ADAMTS3: variants seen among roughly 807,000 people sequenced by gnomAD.
ADAMTS3 encodes the protein A disintegrin and metalloproteinase with thrombospondin motifs 3.
A neutral mutation model predicts 129.0 loss-of-function variants in ADAMTS3; 73 were observed. That is an observed-to-expected ratio of 0.57 (90% CI 0.47 to 0.69). The LOEUF is 0.69. Ranked by LOEUF, ADAMTS3 falls within the 30% of genes least tolerant of loss-of-function variation. The probability of loss-of-function intolerance (pLI) is 0.00; values close to 1 mark genes in which losing one functional copy is unlikely to be tolerated. For synonymous variants in ADAMTS3, 477 were observed against 510.8 expected (o/e 0.93, Z 0.89); for missense variants, 1,457 against 1,514.5 (o/e 0.96, Z 0.63).
chr4:72,556,226 C>T (rs1382127462), intron 2 of ADAMTS3, among the ~76,000 whole-genome samples: 1 of 151,706 alleles, frequency 6.6e-6, no homozygotes, highest in Non-Finnish European at 1.5e-5. Context: ...TGGTAAGGTG[C>T]ACTGTATGAC....
At chr4:72,320,674 C>A in intron 7 of ADAMTS3, 40 bp downstream of exon 7, 1 of 1,596,706 alleles carries the variant, frequency 6.3e-7, no homozygotes, top group South Asian at 1.1e-5. Context: ...TTTTAAAAGT[C>A]ATGCCCTCAA....
Position 72,568,881 on chromosome 4 carries a change from G to GAAAAAAA in ADAMTS3, c.-126_-120dup. 1.5e-6 allele frequency: 1 copy of GAAAAAAA among 681,020 alleles called. No homozygotes were observed. The highest frequency in any genetic ancestry group is 2.4e-6 in the Non-Finnish European group (1 of 417,850). The allele number at this position is 681,020 out of a possible 1,614,324, so 42.2% of individuals were successfully genotyped here. On this transcript the variant is annotated 5_prime_UTR_variant, in exon 1 of 22. Coordinates refer to ENST00000286657, the MANE Select transcript of ADAMTS3 (RefSeq NM_014243.3). ...AGGAAAAGGGAAAAAATGCGAAATAGAAAAAAATGATCTTCTGTGCTTTGC... is the reference window on the plus strand; with the variant it reads ...AGGAAAAGGGAAAAAATGCGAAATAGAAAAAAAAAAAAAATGATCTTCTGTGCTTTGC...
intron 3 of ADAMTS3, among the ~76,000 whole-genome samples, chr4:72,529,978 A>AATATAATATATTATATTTATATAT (rs1720939226): frequency 1.5e-4 from 1 of 6,724 alleles, no homozygotes; most frequent in Non-Finnish European, 2.2e-4. Flanking sequence ...TTTATATATA[A>AATATAATATATTATATTTATATAT]ATATAATATA....
chr4:72,480,969 A>G (rs2110005775), intron 3 of ADAMTS3, among the ~76,000 whole-genome samples: 1 of 152,236 alleles, frequency 6.6e-6, no homozygotes, highest in East Asian at 1.9e-4. Context: ...CCATGAAAAC[A>G]TACTTAAATA....
At chr4:72,320,954 G>T in intron 6 of ADAMTS3, 84 bp from the exon 7 acceptor site, 10 of 1,392,270 alleles carry the variant, frequency 7.2e-6, no homozygotes, top group Non-Finnish European at 9.8e-6. Context: ...CTGAATTTGG[G>T]ATTAAAGTAT....
intron 4 of ADAMTS3, among the ~76,000 whole-genome samples, chr4:72,346,537 C>G (rs546072037): frequency 6.6e-6 from 1 of 152,078 alleles, no homozygotes; most frequent in African/African-American, 2.4e-5. Context: ...CATTCAGTCC[C>G]ATTGCAACCA....
chr4:72,466,859 A>G (rs1219375706), intron 3 of ADAMTS3, among the ~76,000 whole-genome samples: 1 of 152,066 alleles, frequency 6.6e-6, no homozygotes, highest in African/African-American at 2.4e-5. Flanking sequence ...ATTAAGCTCA[A>G]TTCCAAGTTC....
At chr4:72,398,187 A>AG (rs1188189665) in intron 4 of ADAMTS3, among the ~76,000 whole-genome samples, 2 of 152,158 alleles carry the variant, frequency 1.3e-5, no homozygotes, top group Non-Finnish European at 2.9e-5. Context: ...AGCCATGTTG[A>AG]GGGGGAGCTC....
intron 3 of ADAMTS3, among the ~76,000 whole-genome samples, chr4:72,458,525 G>C (rs139866058): frequency 6.6e-6 from 1 of 151,482 alleles, no homozygotes; most frequent in African/African-American, 2.4e-5. Context: ...CAGATGACAA[G>C]GTTTTAAGAA....
intron 3 of ADAMTS3, among the ~76,000 whole-genome samples, chr4:72,448,896 C>A (rs982940852): frequency 6.6e-6 from 1 of 151,502 alleles, no homozygotes; most frequent in African/African-American, 2.4e-5. Context: ...ATAATTTTTA[C>A]CATTATTTTC....
chr4:72,548,035 A>G (rs1721508581), intron 3 of ADAMTS3, among the ~76,000 whole-genome samples: 1 of 152,220 alleles, frequency 6.6e-6, no homozygotes, highest in Non-Finnish European at 1.5e-5. Context: ...CCACATTAGA[A>G]TTCTGTGAGG....
chr4:72,517,218 T>C (rs1469683763), intron 3 of ADAMTS3, among the ~76,000 whole-genome samples: 2 of 152,188 alleles, frequency 1.3e-5, no homozygotes, highest in African/African-American at 2.4e-5. Context: ...CTTTTTGATG[T>C]GCTGCTGGAT....
At chr4:72,553,781 G>C (rs2109796308) in intron 2 of ADAMTS3, among the ~76,000 whole-genome samples, 1 of 152,222 alleles carries the variant, frequency 6.6e-6, no homozygotes, top group East Asian at 1.9e-4. Flanking sequence ...CTCTGGATTG[G>C]GGAGGCCTGA....
chr4:72,298,296 A>G lies in ADAMTS3; in HGVS notation c.2571T>C (p.Cys857=), dbSNP rs1311473833. ...FEWALKSWSQ[C]SKPCGGGFQY... ...GGTTACCTCCACCACAGGGTTTGGA[A>G]CACTGAGACCAGCTCTTCAAAGCCC... Residue 857 remains cysteine (C), a synonymous_variant, in exon 18 of 22, where the codon TGT becomes TGC. Transcript: ENST00000286657. 9 of 1,612,616 alleles carry G rather than the reference A, an allele frequency of 5.6e-6. No homozygotes were observed. Among genetic ancestry groups the G allele is most frequent in the African/African-American group, 1.3e-5 (1 of 74,874 alleles).
intron 3 of ADAMTS3, among the ~76,000 whole-genome samples, chr4:72,443,947 A>G (rs190049843): frequency 6.6e-6 from 1 of 151,886 alleles, no homozygotes; most frequent in East Asian, 2.0e-4. Flanking sequence ...CCCTGCAGAC[A>G]AAGTCATATA....
chr4:72,453,025 A>G (rs1199258225), intron 3 of ADAMTS3, among the ~76,000 whole-genome samples: 2 of 151,798 alleles, frequency 1.3e-5, no homozygotes, highest in African/African-American at 4.8e-5. Context: ...GAGATTTGCT[A>G]TTACATTTGC....
intron 3 of ADAMTS3, among the ~76,000 whole-genome samples, chr4:72,440,809 G>A (rs766317450): frequency 4.6e-5 from 7 of 151,720 alleles, no homozygotes; most frequent in Admixed American, 6.6e-5. Flanking sequence ...AATAAGTCCC[G>A]TGGGAGTGAA....
At chr4:72,457,272 C>T (rs1021180981) in intron 3 of ADAMTS3, among the ~76,000 whole-genome samples, 15 of 151,628 alleles carry the variant, frequency 9.9e-5, no homozygotes, top group Admixed American at 5.9e-4. Context: ...TAAAGATAAA[C>T]CATTTTACAT....
intron 14 of ADAMTS3, among the ~76,000 whole-genome samples, chr4:72,310,015 G>C (rs1578570219): frequency 6.6e-6 from 1 of 152,048 alleles, no homozygotes; most frequent in East Asian, 1.9e-4. Context: ...CAGGAAAGCA[G>C]ATGAGTTACA....
Sources: gnomAD v4.1 joint callset for allele counts (sites outside exome capture counted in the v4.1 genomes callset) on GRCh38, gnomAD v4.1.1 for gene constraint, MANE v1.5 for transcripts, NCBI Gene and HGNC (gene_info 2026-07-23, HGNC 2026-07-21) for gene names.